SLC24A3: variants seen among roughly 807,000 people sequenced by gnomAD.
SLC24A3 encodes the protein sodium/potassium/calcium exchanger 3.
A neutral mutation model predicts 75.8 loss-of-function variants in SLC24A3; 28 were observed. That is an observed-to-expected ratio of 0.37 (90% CI 0.27 to 0.51). SLC24A3 has a LOEUF of 0.51. Among genes scored for constraint, SLC24A3 ranks in the 20% least tolerant of loss-of-function variants. SLC24A3 has a pLI of 0.94. For synonymous variants in SLC24A3, 372 were observed against 334.1 expected, an observed-to-expected ratio of 1.11 and a Z score of -1.24; for missense variants, 663 against 847.8, an observed-to-expected ratio of 0.78 and a Z score of 2.71.
intron 10 of SLC24A3, among the ~76,000 whole-genome samples, chr20:19,683,284 G>A (rs552706770): frequency 6.6e-6 from 1 of 152,212 alleles, no homozygotes; most frequent in Non-Finnish European, 1.5e-5. Context: ...GAGCTACCTA[G>A]TATTAGCCAG....
chr20:19,682,177 C>T (rs554919777), intron 10 of SLC24A3, among the ~76,000 whole-genome samples, 186 bp downstream of exon 10: 38 of 152,234 alleles, frequency 2.5e-4, no homozygotes, highest in Admixed American at 3.3e-4. Context: ...ATCGCTTGAA[C>T]GCAGGAGGCA....
chr20:19,579,918 T>C, intron 3 of SLC24A3, 82 bp from the exon 4 acceptor site: 2 of 1,031,094 alleles, frequency 1.9e-6, no homozygotes, highest in Non-Finnish European at 3.0e-6. Context: ...GAAGACATTA[T>C]CAAAGCAGAA....
At chr20:19,376,142 A>G (rs1986079826) in intron 2 of SLC24A3, among the ~76,000 whole-genome samples, 1 of 152,168 alleles carries the variant, frequency 6.6e-6, no homozygotes, top group Non-Finnish European at 1.5e-5. Context: ...ATAAATAAGG[A>G]TGAAGGAAAG....
At chr20:19,563,079 T>C (rs2030901581) in intron 3 of SLC24A3, among the ~76,000 whole-genome samples, 1 of 152,166 alleles carries the variant, frequency 6.6e-6, no homozygotes, top group Non-Finnish European at 1.5e-5. Context: ...TTGCTTAACT[T>C]GGATCTCCAC....
At chr20:19,391,171 T>G (rs1173500433) in intron 2 of SLC24A3, among the ~76,000 whole-genome samples, 1 of 152,216 alleles carries the variant, frequency 6.6e-6, no homozygotes, top group East Asian at 1.9e-4. Flanking sequence ...GGAAGCCTTT[T>G]TATCCCTAAC....
chr20:19,620,955 C>T (rs963950157), intron 6 of SLC24A3, among the ~76,000 whole-genome samples: 2 of 152,122 alleles, frequency 1.3e-5, no homozygotes, highest in African/African-American at 4.8e-5. Context: ...TCTGAAAAGG[C>T]TTCTTACTAG....
intron 2 of SLC24A3, among the ~76,000 whole-genome samples, chr20:19,462,863 T>A (rs945768668): frequency 6.6e-6 from 1 of 152,154 alleles, no homozygotes; most frequent in Non-Finnish European, 1.5e-5. Flanking sequence ...TTAGAAAAGG[T>A]GGGGCTGGAC....
chr20:19,513,538 A>G (rs565531245), intron 2 of SLC24A3, among the ~76,000 whole-genome samples: 2 of 151,804 alleles, frequency 1.3e-5, no homozygotes, highest in East Asian at 3.9e-4. Flanking sequence ...CCCAAGGGAA[A>G]CTCCTCCAGG....
chr20:19,558,396 C>T (rs1223242680), intron 3 of SLC24A3, among the ~76,000 whole-genome samples: 1 of 152,134 alleles, frequency 6.6e-6, no homozygotes. Flanking sequence ...CCAGCTTCCC[C>T]TAATGTTAAC....
chr20:19,439,830 C>T (rs147969447), intron 2 of SLC24A3, among the ~76,000 whole-genome samples: 1 of 152,166 alleles, frequency 6.6e-6, no homozygotes, highest in African/African-American at 2.4e-5. Flanking sequence ...TCCGTGTAGA[C>T]GTTGTTAACT....
At chr20:19,262,792 C>T (rs1983034774) in intron 1 of SLC24A3, among the ~76,000 whole-genome samples, 1 of 152,156 alleles carries the variant, frequency 6.6e-6, no homozygotes, top group Non-Finnish European at 1.5e-5. Context: ...TGCTCTTGCT[C>T]TTACGATTAT....
chr20:19,358,340 C>T (rs901184579), intron 2 of SLC24A3, among the ~76,000 whole-genome samples: 1 of 152,086 alleles, frequency 6.6e-6, no homozygotes, highest in African/African-American at 2.4e-5. Context: ...GCCCTGGGCT[C>T]CTTGCTGGAT....
chr20:19,263,067 GTGTGTT>G lies in SLC24A3; in HGVS notation c.143-17890_143-17885del, dbSNP rs1365149221. 1.8e-3 allele frequency among the ~76,000 whole-genome samples: 278 copies of G among 150,598 alleles called. 1 individual carries two copies. The highest frequency in any genetic ancestry group is 6.5e-3 in the African/African-American group (263 of 40,384). On this transcript the variant is annotated intron_variant, in intron 1 of 16. Coordinates refer to ENST00000328041, the MANE Select transcript of SLC24A3 (RefSeq NM_020689.4). ...TGTGTGTGTGTGTGTGTGTGTGTGTGTGTGTTTTCTGTTGACCCCCCCACGTTTGTT... is the reference window on the plus strand; with the variant it reads ...TGTGTGTGTGTGTGTGTGTGTGTGTGTTCTGTTGACCCCCCCACGTTTGTT...
intron 1 of SLC24A3, among the ~76,000 whole-genome samples, chr20:19,214,135 G>A (rs1342890049): frequency 6.6e-6 from 1 of 152,144 alleles, no homozygotes; most frequent in Admixed American, 6.6e-5. Context: ...TGCTTGGTGG[G>A]GAAGTGAAAC....
At chr20:19,239,824 A>T (rs998316251) in intron 1 of SLC24A3, among the ~76,000 whole-genome samples, 2 of 152,138 alleles carry the variant, frequency 1.3e-5, no homozygotes, top group Non-Finnish European at 2.9e-5. Flanking sequence ...AACTGCCTGG[A>T]CACAACCCAG....
intron 13 of SLC24A3, 73 bp from the exon 14 acceptor site, chr20:19,696,724 T>G: frequency 1.0e-6 from 1 of 994,354 alleles, no homozygotes; most frequent in Non-Finnish European, 1.6e-6. Flanking sequence ...GTTGTGAGTC[T>G]CCATCAGAAG....
intron 2 of SLC24A3, among the ~76,000 whole-genome samples, chr20:19,429,906 G>A (rs1391507332): frequency 1.3e-5 from 2 of 151,976 alleles, no homozygotes; most frequent in South Asian, 2.1e-4. Flanking sequence ...TTTTAATCTC[G>A]AGCTACAGTG....
intron 6 of SLC24A3, among the ~76,000 whole-genome samples, chr20:19,594,086 C>T (rs1439434708): frequency 6.6e-6 from 1 of 152,186 alleles, no homozygotes; most frequent in Non-Finnish European, 1.5e-5. Flanking sequence ...TCATGGCCTT[C>T]GAACTCCACC....
At position 19,609,005 on chromosome 20, in the gene SLC24A3, A is replaced by G. The variant is rs550663898; in HGVS notation, c.612+23461A>G. ...GGCAGACGTGTTGAATGATGTCTCC[A>G]TCCCACGTACAAAGGCATTAATGAA... On this transcript the variant is annotated intron_variant, in intron 6 of 16. Transcript: ENST00000328041. Among the ~76,000 whole-genome samples, 10 of 152,314 alleles carry G rather than the reference A, an allele frequency of 6.6e-5. No homozygotes were observed. In the South Asian group the frequency reaches 1.9e-3, roughly 28 times the overall value.
Sources: gnomAD v4.1 joint callset for allele counts (sites outside exome capture counted in the v4.1 genomes callset) on GRCh38, gnomAD v4.1.1 for gene constraint, MANE v1.5 for transcripts, NCBI Gene and HGNC (gene_info 2026-07-23, HGNC 2026-07-21) for gene names.